SLC7A2: variants seen among roughly 807,000 people sequenced by gnomAD.
SLC7A2 encodes solute carrier family 7 member 2, also known as cationic amino acid transporter 2.
Under a neutral mutation model 58.9 loss-of-function variants are expected in SLC7A2, and 48 were observed. The observed-to-expected ratio is 0.82, with a 90% CI of 0.65 to 1.04. SLC7A2 has a LOEUF of 1.04. Ranked by LOEUF, SLC7A2 falls within the 50% of genes least tolerant of loss-of-function variation. SLC7A2 has a pLI of 0.00. For missense variants in SLC7A2, 1,029 were observed against 818.8 expected (o/e 1.26, Z -3.13); for synonymous variants, 363 against 314.5 (o/e 1.15, Z -1.63).
chr8:17,498,101 A>G (rs184832735), intron 1 of SLC7A2, among the ~76,000 whole-genome samples: 2 of 152,334 alleles, frequency 1.3e-5, no homozygotes, highest in African/African-American at 4.8e-5. Flanking sequence ...CAAGAGAAAA[A>G]GTACTCAGCC....
intron 2 of SLC7A2, among the ~76,000 whole-genome samples, chr8:17,516,651 C>T (rs1033184446): frequency 6.6e-6 from 1 of 152,202 alleles, no homozygotes; most frequent in Non-Finnish European, 1.5e-5. Context: ...CACAGCTGTA[C>T]CCTTGCTTAT....
At chr8:17,547,319 G>T (rs1405329799) in intron 4 of SLC7A2, among the ~76,000 whole-genome samples, 1 of 152,080 alleles carries the variant, frequency 6.6e-6, no homozygotes, top group African/African-American at 2.4e-5. Context: ...CTCATGAGGT[G>T]TATTCAGTAT....
At chr8:17,552,205 T>C (rs1802487489) in intron 7 of SLC7A2, among the ~76,000 whole-genome samples, 1 of 152,208 alleles carries the variant, frequency 6.6e-6, no homozygotes, top group Non-Finnish European at 1.5e-5. Context: ...ATAGTGATGG[T>C]CCAGGCTTCA....
rs1803238637 is a variant in SLC7A2, at chr8:17,565,762, T to A, written c.*616T>A. ...AATGCAAATTTTTTTTCCTGTGAGG[T>A]ATGACAGTTTGCTCAAACTTCAGCC... On this transcript the variant is annotated 3_prime_UTR_variant, in exon 13 of 13. Coordinates refer to ENST00000494857, the MANE Select transcript of SLC7A2 (RefSeq NM_001370338.1). The A allele has an allele frequency of 6.6e-6, 1 of 152,342 alleles. No homozygotes were observed. 9.4% of individuals were successfully genotyped at this position (152,342 alleles called of 1,614,324 possible).
intron 8 of SLC7A2, among the ~76,000 whole-genome samples, chr8:17,557,133 A>G (rs1199882924): frequency 2.0e-5 from 3 of 152,372 alleles, no homozygotes; most frequent in South Asian, 2.1e-4. Context: ...ATGCCTAAAC[A>G]TAAATGATTT....
intron 2 of SLC7A2, among the ~76,000 whole-genome samples, chr8:17,526,829 T>A (rs913722128): frequency 3.3e-5 from 5 of 152,158 alleles, no homozygotes; most frequent in Non-Finnish European, 7.3e-5. Flanking sequence ...ATGCCCTCTT[T>A]CTCCACGATT....
chr8:17,531,368 G>T (rs1801444166), intron 2 of SLC7A2, among the ~76,000 whole-genome samples: 1 of 152,158 alleles, frequency 6.6e-6, no homozygotes, highest in East Asian at 1.9e-4. Flanking sequence ...TTTCGTTTTG[G>T]GGTAACAAAA....
upstream of SLC7A2, among the ~76,000 whole-genome samples, chr8:17,496,149 C>A (rs1298507280): frequency 6.6e-6 from 1 of 152,056 alleles, no homozygotes; most frequent in Non-Finnish European, 1.5e-5. Context: ...AGTAATAGGC[C>A]GGGCATGGTG....
rs554129957 is a variant in SLC7A2 at position 17,569,631 on chromosome 8, G to A, written c.*4485G>A. On this transcript the variant is annotated 3_prime_UTR_variant, in exon 13 of 13. Coordinates refer to ENST00000494857, the MANE Select transcript of SLC7A2 (RefSeq NM_001370338.1). ...TTCTGGATTTTGAGAAGCCTGATCT[G>A]TTATTGTTGTGGTTGTTGGTGTTTG... The A allele has an allele frequency of 6.6e-6, 1 of 152,192 alleles. No homozygotes were observed. The highest frequency in any genetic ancestry group is 2.1e-4 in the South Asian group (1 of 4,810). 9.4% of individuals were successfully genotyped at this position (152,192 alleles called of 1,614,324 possible).
chr8:17,524,378 A>G (rs893914925), intron 2 of SLC7A2, among the ~76,000 whole-genome samples: 1 of 151,462 alleles, frequency 6.6e-6, no homozygotes, highest in Admixed American at 6.6e-5. Context: ...ATCAACAAGT[A>G]TAGAAAGAAA....
Position 17,567,630 on chromosome 8 carries a change from C to G in SLC7A2, c.*2484C>G, listed in dbSNP as rs1484129707. ...ATAAGTAAGTTGGGTTTATGGTGGG[C>G]TTTGACTATGTCATTAGGTGGGTAC... On this transcript the variant is annotated 3_prime_UTR_variant, in exon 13 of 13. Coordinates refer to ENST00000494857, the MANE Select transcript of SLC7A2 (RefSeq NM_001370338.1). The G allele has an allele frequency of 2.6e-5, 4 of 152,502 alleles. No individual in the cohort carries two copies. Among genetic ancestry groups the G allele is most frequent in the African/African-American group, 9.7e-5 (4 of 41,388 alleles). 9.4% of individuals were successfully genotyped at this position (152,502 alleles called of 1,614,324 possible).
intron 2 of SLC7A2, among the ~76,000 whole-genome samples, chr8:17,524,717 C>T (rs1454046775): frequency 6.6e-6 from 1 of 151,894 alleles, no homozygotes; most frequent in Non-Finnish European, 1.5e-5. Flanking sequence ...GTACACTGCT[C>T]GGGTGATGGG....
At chr8:17,547,140 A>G (rs1382858753) in intron 4 of SLC7A2, among the ~76,000 whole-genome samples, 2 of 152,226 alleles carry the variant, frequency 1.3e-5, no homozygotes, top group Admixed American at 1.3e-4. Flanking sequence ...GAAATACCCA[A>G]GACTTGGTAA....
At chr8:17,500,360 C>G (rs1800104971) in intron 1 of SLC7A2, 1 of 152,152 alleles carries the variant, frequency 6.6e-6, no homozygotes, top group Non-Finnish European at 1.5e-5. Flanking sequence ...TTCCCTTTTA[C>G]TTGACTTTCT....
chr8:17,497,966 C>G (rs1192547295), intron 1 of SLC7A2, among the ~76,000 whole-genome samples: 1 of 152,130 alleles, frequency 6.6e-6, no homozygotes, highest in Non-Finnish European at 1.5e-5. Flanking sequence ...CCTCTTTTGA[C>G]GCTTACATCC....
rs747248097 is a variant in SLC7A2 at position 17,551,866 on chromosome 8, T to C, written c.935T>C (p.Leu312Pro). 19 of 1,614,028 alleles carry C rather than the reference T, an allele frequency of 1.2e-5. No homozygotes were observed. Among genetic ancestry groups the C allele is most frequent in the Non-Finnish European group, 1.6e-5 (19 of 1,180,014 alleles). The change falls in exon 7 of 13, where the codon CTT becomes CCT. Residue 312 changes from leucine (L) to proline (P), a missense_variant. Transcript: ENST00000494857. Reference protein sequence around the residue: ...AYFGVSAALTLMMPYYLLDEK... With the variant: ...AYFGVSAALTPMMPYYLLDEK... ...TTTGGGGTCTCTGCAGCTTTAACAC[T>C]TATGATGCCGTACTACCTCCTCGAT...
chr8:17,541,298 A>G (rs1371127505), intron 2 of SLC7A2, among the ~76,000 whole-genome samples: 2 of 152,184 alleles, frequency 1.3e-5, no homozygotes, highest in East Asian at 3.9e-4. Context: ...AGAAAGGGCT[A>G]TTTAAGGGTT....
chr8:17,566,828 G>A lies in SLC7A2; in HGVS notation c.*1682G>A, dbSNP rs995486814. Reference sequence around the variant, plus strand: ...GGATGAGGCTGGGTGACATTTCCCAGGACAGCATGGTGAACATTACCAGGC... The same window carrying A: ...GGATGAGGCTGGGTGACATTTCCCAAGACAGCATGGTGAACATTACCAGGC... On this transcript the variant is annotated 3_prime_UTR_variant, in exon 13 of 13. Coordinates refer to ENST00000494857, the MANE Select transcript of SLC7A2 (RefSeq NM_001370338.1). 1 of 152,146 alleles carries A rather than the reference G, an allele frequency of 6.6e-6. No individual in the cohort carries two copies. The highest frequency in any genetic ancestry group is 2.4e-5 in the African/African-American group (1 of 41,426). 9.4% of individuals were successfully genotyped at this position (152,146 alleles called of 1,614,324 possible). A position where few individuals can be genotyped will look rare whatever the true frequency, so the allele number is the denominator to read the frequency against.
chr8:17,538,872 A>G, intron 2 of SLC7A2: 1 of 1,613,878 alleles, frequency 6.2e-7, no homozygotes, highest in East Asian at 2.2e-5. Flanking sequence ...TAATTTGTCG[A>G]GGGTTTATTG....
Sources: gnomAD v4.1 joint callset for allele counts (sites outside exome capture counted in the v4.1 genomes callset) on GRCh38, gnomAD v4.1.1 for gene constraint, MANE v1.5 for transcripts, NCBI Gene and HGNC (gene_info 2026-07-23, HGNC 2026-07-21) for gene names.